The following POM121 variants were observed in gnomAD, a reference collection of about 807,000 sequenced individuals.
POM121 encodes the protein POM121 transmembrane nucleoporin.
In POM121, 32 loss-of-function variants were observed where a neutral mutation model predicts 81.3. That is an observed-to-expected ratio of 0.39 (90% CI 0.30 to 0.53). The LOEUF is 0.53. Among genes scored for constraint, POM121 ranks in the 20% least tolerant of loss-of-function variants. The pLI is 0.66. For missense variants in POM121, 1,138 were observed against 1,614.6 expected (o/e 0.70, Z 5.06); for synonymous variants, 514 against 694.2 (o/e 0.74, Z 4.08).
At chr7:72,936,717 G>A (rs1305420661) in intron 5 of POM121, among the ~76,000 whole-genome samples, 23 of 152,100 alleles carry the variant, frequency 1.5e-4, no homozygotes, top group African/African-American at 5.1e-4. Context: ...TGGCCCCTTT[G>A]GCATTTCTGA....
downstream of POM121, chr7:72,949,726 C>T (rs868983898): frequency 4.4e-4 from 332 of 752,518 alleles, 2 homozygotes; most frequent in Non-Finnish European, 6.7e-4. Flanking sequence ...GGGCAAATAC[C>T]GTGAACTACT....
chr7:72,904,637 T>TA (rs1401840015), intron 3 of POM121, among the ~76,000 whole-genome samples: 2 of 152,132 alleles, frequency 1.3e-5, no homozygotes, highest in Non-Finnish European at 2.9e-5. Flanking sequence ...CAAGGGCAAG[T>TA]AAAAAAACCC....
chr7:72,929,364 G>T (rs1795791325), intron 4 of POM121, among the ~76,000 whole-genome samples: 1 of 152,180 alleles, frequency 6.6e-6, no homozygotes, highest in Admixed American at 6.5e-5. Flanking sequence ...TGGTTGACGT[G>T]GGTCACTCTA....
chr7:72,946,719 CTT>C lies in POM121; in HGVS notation c.*486_*487del. 2.1e-6 allele frequency: 2 copies of C among 964,438 alleles called. No individual in the cohort carries two copies. The highest frequency in any genetic ancestry group is 2.4e-6 in the Non-Finnish European group (2 of 818,898). 59.7% of individuals were successfully genotyped at this position (964,438 alleles called of 1,614,324 possible). On this transcript the variant is annotated 3_prime_UTR_variant, in exon 13 of 13. Coordinates refer to ENST00000434423, the MANE Select transcript of POM121 (RefSeq NM_001387691.1). ...AGAAGTGGTTCTCTTCCTCTGGTCC[CTT>C]CTGGGGACTCTGTTTCCCCATTTCT...
chr7:72,936,953 G>A (rs1361092897), intron 5 of POM121, among the ~76,000 whole-genome samples: 1 of 151,282 alleles, frequency 6.6e-6, no homozygotes, highest in African/African-American at 2.5e-5. Context: ...GGCCATCTAT[G>A]TGCTTTTAAA....
At chr7:72,928,313 A>G in intron 3 of POM121, 72 bp from the exon 4 acceptor site, 1 of 1,579,256 alleles carries the variant, frequency 6.3e-7, no homozygotes, top group Non-Finnish European at 8.7e-7. Flanking sequence ...AGGTCCCAGA[A>G]ATATGAGAAT....
chr7:72,880,405 T>C (rs1554489136), intron 1 of POM121, among the ~76,000 whole-genome samples: 2 of 152,180 alleles, frequency 1.3e-5, no homozygotes, highest in South Asian at 2.1e-4. Context: ...AGGAGACTTA[T>C]CTTCCAGGCC....
chr7:72,933,196 A>G (rs537994691), intron 5 of POM121, among the ~76,000 whole-genome samples: 23 of 152,164 alleles, frequency 1.5e-4, no homozygotes, highest in Non-Finnish European at 2.9e-4. Context: ...TACTAAAAAT[A>G]CAAAAAATTT....
intron 4 of POM121, among the ~76,000 whole-genome samples, chr7:72,918,870 T>C (rs1458093757): frequency 6.6e-6 from 1 of 152,166 alleles, no homozygotes; most frequent in Non-Finnish European, 1.5e-5. Flanking sequence ...CGATCTCGGC[T>C]CACTGCAACC....
chr7:72,941,125 G>T, intron 10 of POM121, 132 bp downstream of exon 10: 2 of 609,664 alleles, frequency 3.3e-6, no homozygotes, highest in Non-Finnish European at 6.0e-6. Flanking sequence ...CAGCACACCG[G>T]AGCGGGCCCA....
chr7:72,918,098 G>GA (rs1794460031), intron 4 of POM121, among the ~76,000 whole-genome samples: 1 of 152,200 alleles, frequency 6.6e-6, no homozygotes, highest in Non-Finnish European at 1.5e-5. Flanking sequence ...GTACAAGATG[G>GA]AACATGAAGG....
chr7:72,916,822 G>C (rs559895615), intron 4 of POM121, among the ~76,000 whole-genome samples: 1 of 152,124 alleles, frequency 6.6e-6, no homozygotes, highest in Non-Finnish European at 1.5e-5. Context: ...CCATTTGTTT[G>C]TGTACTCTCT....
At chr7:72,893,083 G>T (rs1287339943) in intron 3 of POM121, among the ~76,000 whole-genome samples, 1 of 151,894 alleles carries the variant, frequency 6.6e-6, no homozygotes, top group Non-Finnish European at 1.5e-5. Context: ...TCAGCCTCCC[G>T]AGTAGCTGAG....
intron 3 of POM121, among the ~76,000 whole-genome samples, chr7:72,902,934 G>T (rs528485923): frequency 6.6e-6 from 1 of 152,198 alleles, no homozygotes; most frequent in Admixed American, 6.5e-5. Flanking sequence ...TTAGCTTTTT[G>T]AGCAGATTTC....
chr7:72,925,021 C>T (rs2129577655), upstream of POM121: 19 of 1,330,852 alleles, frequency 1.4e-5, no homozygotes, highest in Non-Finnish European at 1.8e-5. Context: ...GGTAGCGTCT[C>T]CCGGAGTCGC....
rs1554497654 is a variant in POM121 at position 72,926,941 on chromosome 7, G to C, written c.1000G>C (p.Asp334His). 2.5e-6 allele frequency: 4 copies of C among 1,614,002 alleles called. No individual in the cohort carries two copies. Among genetic ancestry groups the C allele is most frequent in the Non-Finnish European group, 3.4e-6 (4 of 1,179,872 alleles). Residue 334 changes from aspartate (D) to histidine (H), a missense_variant, in exon 3 of 13, where the codon GAT becomes CAT. Around this residue, in one of 7 missense-constraint regions of POM121, gnomAD observed 646 missense variants for 633.5 expected, o/e 1.02. Transcript: ENST00000434423. ...GGAGGAAGAAGACCAAATATTCCTT[G>C]ATGGCCAGGAAAATAAAAGAAGGTA... ...TVEEEDQIFL[D>H]GQENKRRRHD...
chr7:72,925,201 G>T lies in POM121; in HGVS notation c.80G>T (p.Gly27Val). Residue 27 changes from glycine to valine, a missense_variant, in exon 1 of 13, where the codon GGC (glycine) becomes GTC (valine). By Grantham distance (109) the Gly-to-Val change is moderately radical. Coordinates refer to ENST00000434423, the MANE Select transcript of POM121 (RefSeq NM_001387691.1). ...IASVRDGRGRGCGGPARAVLL... is the reference protein window; with the variant it reads ...IASVRDGRGRVCGGPARAVLL... ...AGTGTCAGGGACGGCCGGGGCCGGG[G>T]CTGCGGCGGGCCGGCCAGGGCGGTG... is the stretch of plus-strand genomic sequence containing the variant. 1 of 1,524,010 alleles carries T rather than the reference G, an allele frequency of 6.6e-7. No homozygotes were observed. The highest frequency in any genetic ancestry group is 2.0e-4 in the Middle Eastern group (1 of 4,992). 94.4% of individuals were successfully genotyped at this position (1,524,010 alleles called of 1,614,324 possible).
intron 3 of POM121, among the ~76,000 whole-genome samples, chr7:72,895,717 C>G (rs1204870095): frequency 2.0e-5 from 3 of 151,850 alleles, no homozygotes; most frequent in Admixed American, 2.0e-4. Context: ...GTCAGGAGTT[C>G]GAGACCACCC....
chr7:72,907,557 C>G (rs1377312378), intron 3 of POM121, among the ~76,000 whole-genome samples: 2 of 151,788 alleles, frequency 1.3e-5, no homozygotes, highest in Admixed American at 6.6e-5. Context: ...GTCGCCCAGG[C>G]TGGAGTGCAC....
Sources: gnomAD v4.1 joint callset for allele counts (sites outside exome capture counted in the v4.1 genomes callset) on GRCh38, gnomAD v4.1.1 for gene constraint, gnomAD v4.1.1 regional missense constraint, MANE v1.5 for transcripts, NCBI Gene and HGNC (gene_info 2026-07-23, HGNC 2026-07-21) for gene names.